The following KCNIP4 variants were observed in gnomAD, a reference collection of about 807,000 sequenced individuals.
KCNIP4 encodes the protein potassium voltage-gated channel interacting protein 4.
KCNIP4 carries 12 observed loss-of-function variants against 34.0 expected under a neutral mutation model. That is an observed-to-expected ratio of 0.35 (90% CI 0.23 to 0.57). The LOEUF is 0.57. Among genes scored for constraint, KCNIP4 ranks in the 20% least tolerant of loss-of-function variants. The probability of loss-of-function intolerance (pLI) is 0.83; values close to 1 mark genes in which losing one functional copy is unlikely to be tolerated. For missense variants in KCNIP4, 238 were observed against 311.7 expected (o/e 0.76, Z 1.78); for synonymous variants, 124 against 102.2 (o/e 1.21, Z -1.29).
chr4:21,873,554 T>C (rs1226418445), intron 1 of KCNIP4, among the ~76,000 whole-genome samples: 1 of 152,218 alleles, frequency 6.6e-6, no homozygotes. Context: ...GAGAAAATGT[T>C]TGGTCAATGA....
intron 1 of KCNIP4, among the ~76,000 whole-genome samples, chr4:21,911,797 T>C (rs531470208): frequency 6.6e-6 from 1 of 152,178 alleles, no homozygotes; most frequent in Admixed American, 6.5e-5. Context: ...GGCACAGCCC[T>C]CCAGTCTTCA....
chr4:21,451,626 C>A (rs960407975), intron 1 of KCNIP4, among the ~76,000 whole-genome samples: 1 of 151,942 alleles, frequency 6.6e-6, no homozygotes, highest in East Asian at 1.9e-4. Context: ...TTGTAGATAA[C>A]CAAAAAATTG....
chr4:21,237,407 T>A (rs1759446669), intron 1 of KCNIP4, among the ~76,000 whole-genome samples: 1 of 152,174 alleles, frequency 6.6e-6, no homozygotes, highest in African/African-American at 2.4e-5. Context: ...TTGGTCCACA[T>A]AGATCTCCAG....
chr4:21,103,635 C>G (rs1054339239), intron 1 of KCNIP4, among the ~76,000 whole-genome samples: 3 of 145,578 alleles, frequency 2.1e-5, no homozygotes, highest in African/African-American at 7.7e-5. Flanking sequence ...GCACAATGTG[C>G]AGGTTAGTTA....
intron 1 of KCNIP4, among the ~76,000 whole-genome samples, chr4:21,712,398 TG>T (rs1413805055): frequency 6.6e-6 from 1 of 152,124 alleles, no homozygotes. Context: ...TGAAACAGGA[TG>T]GGGGGCGAGG....
At chr4:20,781,293 T>G (rs1413525991) in intron 3 of KCNIP4, among the ~76,000 whole-genome samples, 1 of 152,230 alleles carries the variant, frequency 6.6e-6, no homozygotes, top group Non-Finnish European at 1.5e-5. Context: ...ATCTATTCAC[T>G]AGATCTCTAT....
chr4:21,448,432 T>G (rs2109734591), intron 1 of KCNIP4, among the ~76,000 whole-genome samples: 1 of 152,264 alleles, frequency 6.6e-6, no homozygotes, highest in African/African-American at 2.4e-5. Flanking sequence ...AATTGTGCCC[T>G]TCATAATTGG....
chr4:21,026,876 A>G (rs1395212243), intron 1 of KCNIP4, among the ~76,000 whole-genome samples: 2 of 152,140 alleles, frequency 1.3e-5, no homozygotes, highest in Non-Finnish European at 2.9e-5. Flanking sequence ...TGTGTCTGGA[A>G]CATGGAACAC....
intron 1 of KCNIP4, among the ~76,000 whole-genome samples, chr4:21,831,971 C>T (rs1428927353): frequency 2.6e-5 from 4 of 152,046 alleles, no homozygotes; most frequent in Non-Finnish European, 5.9e-5. Flanking sequence ...CCCTGATGAA[C>T]CTAGATGCAA....
chr4:21,113,042 G>A (rs1332059655), intron 1 of KCNIP4, among the ~76,000 whole-genome samples: 1 of 152,076 alleles, frequency 6.6e-6, no homozygotes, highest in East Asian at 1.9e-4. Flanking sequence ...TCAATACTTA[G>A]TACATAAATA....
In KCNIP4 at chr4:21,539,895, C is replaced by T. The variant is rs1737531894; in HGVS notation, c.61+408676G>A. Among the ~76,000 whole-genome samples the T allele has an allele frequency of 2.6e-5, 4 of 151,910 alleles. 1 individual carries two copies. In the South Asian group the frequency reaches 6.2e-4, roughly 24 times the overall value. Reference sequence around the variant, plus strand: ...TCGGAAGGCTGAAGCAGGAGAATCGCTTGAACCGGGAGGTGGCAGTTGCAG... The same window carrying T: ...TCGGAAGGCTGAAGCAGGAGAATCGTTTGAACCGGGAGGTGGCAGTTGCAG... On this transcript the variant is annotated intron_variant, in intron 1 of 8. Coordinates refer to ENST00000382152, the MANE Select transcript of KCNIP4 (RefSeq NM_025221.6).
chr4:21,815,093 T>A (rs1243314215), intron 1 of KCNIP4, among the ~76,000 whole-genome samples: 1 of 152,154 alleles, frequency 6.6e-6, no homozygotes, highest in Non-Finnish European at 1.5e-5. Context: ...TTGAAAGTTA[T>A]ATAAGGAATG....
chr4:21,626,733 A>G (rs539607261), intron 1 of KCNIP4, among the ~76,000 whole-genome samples: 1 of 152,042 alleles, frequency 6.6e-6, no homozygotes, highest in Admixed American at 6.6e-5. Flanking sequence ...AAGATGTCCA[A>G]TCCCTAAAGG....
At chr4:21,879,553 T>A (rs1434466966) in intron 1 of KCNIP4, among the ~76,000 whole-genome samples, 1 of 152,180 alleles carries the variant, frequency 6.6e-6, no homozygotes, top group Non-Finnish European at 1.5e-5. Flanking sequence ...TTTTGTTCTG[T>A]TTTCCTGAAT....
intron 1 of KCNIP4, among the ~76,000 whole-genome samples, chr4:21,020,255 A>G (rs1040328604): frequency 6.6e-6 from 1 of 152,202 alleles, no homozygotes; most frequent in Non-Finnish European, 1.5e-5. Context: ...TATCTAAATT[A>G]TCTGAGAAAG....
chr4:21,030,999 A>G (rs1740975050), intron 1 of KCNIP4, among the ~76,000 whole-genome samples: 1 of 152,178 alleles, frequency 6.6e-6, no homozygotes, highest in Admixed American at 6.5e-5. Context: ...AAACACCTTC[A>G]AAGGAGAGAG....
At chr4:21,405,758 C>G (rs1723926942) in intron 1 of KCNIP4, among the ~76,000 whole-genome samples, 1 of 152,216 alleles carries the variant, frequency 6.6e-6, no homozygotes, top group Non-Finnish European at 1.5e-5. Context: ...TTTGTTGGGG[C>G]AGTCTGAGGT....
chr4:21,070,154 T>G (rs1361277997), intron 1 of KCNIP4, among the ~76,000 whole-genome samples: 2 of 152,166 alleles, frequency 1.3e-5, no homozygotes, highest in Admixed American at 1.3e-4. Flanking sequence ...TCCTAGCTGT[T>G]GTGTGTATCA....
chr4:21,494,218 T>C (rs1325847608), intron 1 of KCNIP4, among the ~76,000 whole-genome samples: 2 of 152,178 alleles, frequency 1.3e-5, no homozygotes, highest in Admixed American at 6.5e-5. Context: ...AGACAAATAT[T>C]ATAAAATCAC....
Sources: gnomAD v4.1 joint callset for allele counts (sites outside exome capture counted in the v4.1 genomes callset) on GRCh38, gnomAD v4.1.1 for gene constraint, MANE v1.5 for transcripts, NCBI Gene and HGNC (gene_info 2026-07-23, HGNC 2026-07-21) for gene names.